The following MKX variants were observed in gnomAD, a reference collection of about 807,000 sequenced individuals.
MKX encodes homeobox protein Mohawk.
A neutral mutation model predicts 36.0 loss-of-function variants in MKX; 13 were observed. The observed-to-expected ratio is 0.36, with a 90% CI of 0.24 to 0.57. The LOEUF (loss-of-function observed/expected upper bound fraction) is 0.57, where lower values mean the gene tolerates loss of function less well. Ranked by LOEUF, MKX falls within the 20% of genes least tolerant of loss-of-function variation. The probability of loss-of-function intolerance (pLI) is 0.79; values close to 1 mark genes in which losing one functional copy is unlikely to be tolerated. For missense variants in MKX, 458 were observed against 456.4 expected, an observed-to-expected ratio of 1.00 and a Z score of -0.03; for synonymous variants, 176 against 178.3, an observed-to-expected ratio of 0.99 and a Z score of 0.10.
chr10:27,715,224 GTGTTA>G lies in MKX; in HGVS notation c.838+19227_838+19231del, dbSNP rs557194268. ...AGACGCTTGCTTTGCCCTGGACACT[GTGTTA>G]TGTTGCTGGAGTCCCTCTCCTCTCT... On this transcript the variant is annotated intron_variant, in intron 5 of 6. Transcript: ENST00000419761. Among the ~76,000 whole-genome samples the G allele has an allele frequency of 1.7e-3, 255 of 152,244 alleles. 1 individual carries two copies. Among genetic ancestry groups the G allele is most frequent in the African/African-American group, 5.8e-3 (242 of 41,552 alleles).
At chr10:27,730,051 C>T (rs1224069082) in intron 5 of MKX, among the ~76,000 whole-genome samples, 1 of 151,984 alleles carries the variant, frequency 6.6e-6, no homozygotes, top group Admixed American at 6.6e-5. Context: ...ATTCGCTAAG[C>T]TCACATGATA....
chr10:27,696,083 C>T (rs1446926810), intron 5 of MKX, among the ~76,000 whole-genome samples: 1 of 152,116 alleles, frequency 6.6e-6, no homozygotes, highest in Non-Finnish European at 1.5e-5. Flanking sequence ...CCCTTGTTTA[C>T]TGCTAATCAG....
intron 5 of MKX, among the ~76,000 whole-genome samples, chr10:27,687,607 A>G (rs560400130): frequency 1.3e-5 from 2 of 152,230 alleles, no homozygotes; most frequent in South Asian, 4.1e-4. Flanking sequence ...AGGAAGCGGG[A>G]CTTGCAACTT....
At position 27,743,301 on chromosome 10, in the gene MKX, C is replaced by T; in HGVS notation, c.115G>A (p.Ala39Thr). The T allele has an allele frequency of 6.4e-7, 1 of 1,560,576 alleles. No homozygotes were observed. Among genetic ancestry groups the T allele is most frequent in the Non-Finnish European group, 8.6e-7 (1 of 1,159,308 alleles). ...TCGGGAATGCCCACCTCGGGGCGGG[C>T]GTGAGGACTGTCCAGGACACCGCTG... is the stretch of plus-strand genomic sequence containing the variant. ...PYSGVLDSPH[A>T]RPEVGIPDGP... Residue 39 changes from alanine to threonine, a missense_variant, in exon 2 of 7, where the codon GCC becomes ACC. Physicochemically the swap from Ala to Thr is moderately conservative, Grantham distance 58. Transcript: ENST00000419761.
At chr10:27,712,238 C>T (rs1836886479) in intron 5 of MKX, among the ~76,000 whole-genome samples, 1 of 152,200 alleles carries the variant, frequency 6.6e-6, no homozygotes, top group South Asian at 2.1e-4. Context: ...GAATGGGATT[C>T]TAAAGCCAGG....
At chr10:27,690,528 C>T (rs1836435662) in intron 5 of MKX, among the ~76,000 whole-genome samples, 2 of 152,152 alleles carry the variant, frequency 1.3e-5, no homozygotes, top group African/African-American at 4.8e-5. Flanking sequence ...AGTACGTGAC[C>T]TTGGGCAAGT....
At chr10:27,700,997 G>A (rs1836641275) in intron 5 of MKX, among the ~76,000 whole-genome samples, 1 of 151,980 alleles carries the variant, frequency 6.6e-6, no homozygotes, top group Non-Finnish European at 1.5e-5. Context: ...ATAAACTTAG[G>A]GATGAAGCCC....
chr10:27,712,569 G>A (rs1836891913), intron 5 of MKX, among the ~76,000 whole-genome samples: 1 of 152,168 alleles, frequency 6.6e-6, no homozygotes, highest in Non-Finnish European at 1.5e-5. Context: ...GACCCTGGGA[G>A]GTGAAGCAGG....
chr10:27,674,146 T>C lies in MKX; in HGVS notation c.*1083A>G, dbSNP rs1223692525. 1 of 152,238 alleles carries C rather than the reference T, an allele frequency of 6.6e-6. No homozygotes were observed. Among genetic ancestry groups the C allele is most frequent in the Non-Finnish European group, 1.5e-5 (1 of 68,030 alleles). The allele number at this position is 152,238 out of a possible 1,614,324, so 9.4% of individuals were successfully genotyped here. ...GCATGATTTCACTTCATTTTTACTTTAATGTCCAACTTGGCAAAATTCAAA... is the reference window on the plus strand; with the variant it reads ...GCATGATTTCACTTCATTTTTACTTCAATGTCCAACTTGGCAAAATTCAAA... On this transcript the variant is annotated 3_prime_UTR_variant, in exon 7 of 7. Transcript: ENST00000419761.
chr10:27,726,819 A>C (rs1053804382), intron 5 of MKX, among the ~76,000 whole-genome samples: 2 of 152,020 alleles, frequency 1.3e-5, no homozygotes, highest in Non-Finnish European at 2.9e-5. Flanking sequence ...GACACAGATC[A>C]ACATATACTT....
chr10:27,675,283 C>T lies in MKX; in HGVS notation c.1005G>A (p.Ser335=), dbSNP rs768495764. ...CAGTCTTTACTTCTGCTATATGGGA[C>T]GACTTCTGGATGATGCAGCTGGTAG... ...QGTTSCIIQK[S]SHIAEVKTVK... The change falls in exon 7 of 7, where the codon TCG becomes TCA. Residue 335 remains serine, a synonymous_variant. Coordinates refer to ENST00000419761, the MANE Select transcript of MKX (RefSeq NM_173576.3). The T allele has an allele frequency of 9.8e-5, 158 of 1,614,036 alleles. 1 individual carries two copies. In the East Asian group the frequency reaches 2.9e-3, roughly 30 times the overall value.
intron 6 of MKX, 29 bp downstream of exon 6, chr10:27,675,492 G>A (rs902412493): frequency 1.2e-6 from 2 of 1,614,108 alleles, no homozygotes; most frequent in Non-Finnish European, 8.5e-7. Context: ...CTGAAAAGCA[G>A]GAACGGCCAA....
At chr10:27,675,616 A>T (rs1292058562) in intron 5 of MKX, 62 bp from the exon 6 acceptor site, 1 of 1,494,608 alleles carries the variant, frequency 6.7e-7, no homozygotes, top group Admixed American at 1.9e-5. Context: ...TCATCTCAGG[A>T]GTTTCATCAC....
intron 5 of MKX, among the ~76,000 whole-genome samples, chr10:27,724,010 A>G (rs137913596): frequency 4.4e-4 from 67 of 152,318 alleles, no homozygotes; most frequent in African/African-American, 1.4e-3. Flanking sequence ...ACCTTTCAGC[A>G]TTTTAAAAGG....
At chr10:27,708,163 G>A (rs1836789415) in intron 5 of MKX, among the ~76,000 whole-genome samples, 1 of 152,104 alleles carries the variant, frequency 6.6e-6, no homozygotes, top group Non-Finnish European at 1.5e-5. Flanking sequence ...ATATTTAACA[G>A]CCAGTATGGC....
At chr10:27,726,553 G>C (rs1834492775) in intron 5 of MKX, among the ~76,000 whole-genome samples, 1 of 151,600 alleles carries the variant, frequency 6.6e-6, no homozygotes, top group South Asian at 2.1e-4. Flanking sequence ...TTTATTCTTT[G>C]GTGGATTTTT....
intron 5 of MKX, among the ~76,000 whole-genome samples, chr10:27,717,783 T>A (rs1456364661): frequency 6.6e-6 from 1 of 152,236 alleles, no homozygotes; most frequent in Non-Finnish European, 1.5e-5. Context: ...CTCGACCTCA[T>A]CAGCGTGATT....
At chr10:27,718,544 T>C (rs1438060822) in intron 5 of MKX, 1 of 414,784 alleles carries the variant, frequency 2.4e-6, no homozygotes, top group South Asian at 1.8e-5. Flanking sequence ...TAGCTCCTTG[T>C]TTTTACTTTA....
intron 5 of MKX, among the ~76,000 whole-genome samples, chr10:27,705,258 A>AG (rs1554771591): frequency 1.3e-5 from 2 of 151,846 alleles, no homozygotes; most frequent in African/African-American, 4.8e-5. Context: ...TGTAAAAAAA[A>AG]GAATGTGAAT....
Sources: allele counts gnomAD v4.1 joint callset (sites outside exome capture counted in the v4.1 genomes callset), GRCh38; gene constraint gnomAD v4.1.1; transcripts MANE v1.5; gene names NCBI Gene and HGNC (gene_info 2026-07-23, HGNC 2026-07-21).